Variants in CCDC91 observed in about 807,000 individuals in gnomAD.
CCDC91 encodes coiled-coil domain-containing protein 91.
A neutral mutation model predicts 63.2 loss-of-function variants in CCDC91; 48 were observed. The ratio of observed to expected loss-of-function variants is 0.76; its 90% CI spans 0.60 to 0.97. The LOEUF (loss-of-function observed/expected upper bound fraction) is 0.97, where lower values mean the gene tolerates loss of function less well. Among genes scored for constraint, CCDC91 ranks in the 50% least tolerant of loss-of-function variants. The probability of loss-of-function intolerance (pLI) is 0.00; values close to 1 mark genes in which losing one functional copy is unlikely to be tolerated. For missense variants in CCDC91, 500 were observed against 494.6 expected, an observed-to-expected ratio of 1.01 and a Z score of -0.10; for synonymous variants, 167 against 165.8, an observed-to-expected ratio of 1.01 and a Z score of -0.06.
At chr12:28,270,924 G>A (rs1947726437) in intron 3 of CCDC91, among the ~76,000 whole-genome samples, 1 of 152,072 alleles carries the variant, frequency 6.6e-6, no homozygotes, top group African/African-American at 2.4e-5. Context: ...GAACAAACAA[G>A]ACAAACAAGA....
intron 1 of CCDC91, among the ~76,000 whole-genome samples, chr12:28,246,359 G>A (rs1381893235): frequency 6.6e-6 from 1 of 152,102 alleles, no homozygotes; most frequent in Non-Finnish European, 1.5e-5. Flanking sequence ...TGATTTTACC[G>A]TGATTACTAT....
intron 1 of CCDC91, among the ~76,000 whole-genome samples, chr12:28,210,848 G>C (rs1390090258): frequency 1.3e-5 from 2 of 151,964 alleles, no homozygotes; most frequent in Non-Finnish European, 2.9e-5. Flanking sequence ...AGCAGCCATT[G>C]TGATGGCAGA....
chr12:28,291,337 C>T (rs566036885), intron 3 of CCDC91, among the ~76,000 whole-genome samples: 16 of 152,286 alleles, frequency 1.1e-4, no homozygotes, highest in Admixed American at 6.5e-4. Context: ...TGGCTCAATT[C>T]GTTCAACTTT....
In CCDC91 at chr12:28,204,198, T is replaced by A. The variant is rs559869654; in HGVS notation, c.-15+13557T>A. Among the ~76,000 whole-genome samples, 137 of 152,302 alleles carry A rather than the reference T, an allele frequency of 9.0e-4. 1 individual carries two copies. Among genetic ancestry groups the A allele is most frequent in the African/African-American group, 3.0e-3 (123 of 41,570 alleles). On this transcript the variant is annotated intron_variant, in intron 1 of 12. Transcript: ENST00000536442. ...TCACATGATTGGTGCCCTCAAAAAA[T>A]TGGTAAGAACATGGGGTTAAAATGT...
At chr12:28,258,379 A>C (rs1326627667) in intron 2 of CCDC91, among the ~76,000 whole-genome samples, 2 of 151,934 alleles carry the variant, frequency 1.3e-5, no homozygotes, top group Non-Finnish European at 2.9e-5. Context: ...AGTCTTCTTT[A>C]TTTAAACCAC....
intron 1 of CCDC91, among the ~76,000 whole-genome samples, chr12:28,239,901 T>C (rs1161963180): frequency 2.0e-5 from 3 of 152,178 alleles, no homozygotes; most frequent in African/African-American, 7.2e-5. Context: ...TTTATCTTGT[T>C]TTGACAAATC....
chr12:28,247,404 C>T (rs138731067), intron 1 of CCDC91, among the ~76,000 whole-genome samples: 14 of 149,846 alleles, frequency 9.3e-5, no homozygotes, highest in East Asian at 4.0e-4. Context: ...GGCGTGAACC[C>T]GGGAGGCGGA....
intron 8 of CCDC91, among the ~76,000 whole-genome samples, chr12:28,431,239 C>T (rs980258582): frequency 1.3e-5 from 2 of 152,078 alleles, no homozygotes; most frequent in African/African-American, 4.8e-5. Flanking sequence ...TCCTATGTAT[C>T]TATTAATCAA....
At chr12:28,527,484 A>G (rs1206929525) in intron 12 of CCDC91, among the ~76,000 whole-genome samples, 1 of 152,228 alleles carries the variant, frequency 6.6e-6, no homozygotes, top group Non-Finnish European at 1.5e-5. Flanking sequence ...CATGGATACG[A>G]GCACCTGCTC....
At chr12:28,235,523 T>C (rs900705648) in intron 1 of CCDC91, among the ~76,000 whole-genome samples, 21 of 151,802 alleles carry the variant, frequency 1.4e-4, no homozygotes, top group Non-Finnish European at 2.2e-4. Context: ...TAAGGACTAC[T>C]GTAAAGTTTC....
In CCDC91 at chr12:28,517,087, A is replaced by G. The variant is rs577366289; in HGVS notation, c.1216-31976A>G. The stretch of plus-strand genomic sequence containing the variant: ...TTCACTAATGTCTGTAATCAAATTC[A>G]TATCTCTCCTTCTCCTGTGCTCCAA... On this transcript the variant is annotated intron_variant, in intron 12 of 12. Transcript: ENST00000536442. Among the ~76,000 whole-genome samples, 7 of 152,072 alleles carry G rather than the reference A, an allele frequency of 4.6e-5. No homozygotes were observed. In the East Asian group the frequency reaches 1.4e-3, roughly 30 times the overall value.
chr12:28,356,880 T>C (rs1490478990), intron 6 of CCDC91, among the ~76,000 whole-genome samples: 11 of 152,186 alleles, frequency 7.2e-5, no homozygotes, highest in Non-Finnish European at 7.4e-5. Flanking sequence ...TATAATGTGG[T>C]TAGTTGATCT....
chr12:28,550,098 G>A lies in CCDC91; in HGVS notation c.*925G>A, dbSNP rs1194005769. The A allele has an allele frequency of 2.6e-5, 4 of 152,340 alleles. No individual in the cohort carries two copies. Among genetic ancestry groups the A allele is most frequent in the African/African-American group, 9.7e-5 (4 of 41,380 alleles). The allele number at this position is 152,340 out of a possible 1,614,324, so 9.4% of individuals were successfully genotyped here. A position where few individuals can be genotyped will look rare whatever the true frequency, so the allele number is the denominator to read the frequency against. ...AATGTTTTATCTTATTTTCTGAAAT[G>A]CATCTACTTTCATGGGCTTTGTACG... On this transcript the variant is annotated 3_prime_UTR_variant, in exon 13 of 13. Transcript: ENST00000536442.
rs1303983830 is a variant in CCDC91, at chr12:28,362,428, T to C, written c.577-10T>C. The C allele has an allele frequency of 6.4e-7, 1 of 1,555,864 alleles. No homozygotes were observed. Among genetic ancestry groups the C allele is most frequent in the Non-Finnish European group, 8.7e-7 (1 of 1,149,344 alleles). On this transcript the variant is annotated splice_polypyrimidine_tract_variant and intron_variant, in intron 6 of 12. Transcript: ENST00000536442. ...AAAAACTCATGGTTTTAGTTTCTTT[T>C]TTCTTTCAGGAAAAACATAAACAAG...
intron 6 of CCDC91, among the ~76,000 whole-genome samples, chr12:28,312,929 CTCTT>C (rs1158569338): frequency 1.3e-5 from 2 of 151,980 alleles, no homozygotes; most frequent in Non-Finnish European, 2.9e-5. Context: ...TCCATTAAAC[CTCTT>C]TCTTTTATAA....
At chr12:28,488,984 A>G (rs1951863318) in intron 12 of CCDC91, among the ~76,000 whole-genome samples, 1 of 151,960 alleles carries the variant, frequency 6.6e-6, no homozygotes, top group Non-Finnish European at 1.5e-5. Flanking sequence ...ATTCACATCC[A>G]TTCATTTTTG....
intron 8 of CCDC91, among the ~76,000 whole-genome samples, chr12:28,432,166 T>A (rs1014326666): frequency 1.3e-5 from 2 of 152,138 alleles, no homozygotes; most frequent in African/African-American, 4.8e-5. Context: ...CATGGTGGTT[T>A]TCTGCAGATG....
At chr12:28,389,208 T>A (rs1013213348) in intron 7 of CCDC91, among the ~76,000 whole-genome samples, 2 of 152,134 alleles carry the variant, frequency 1.3e-5, no homozygotes, top group Non-Finnish European at 2.9e-5. Context: ...GGGGCAACTT[T>A]CTTTCTCTGA....
At chr12:28,196,137 T>G (rs746652733) in intron 1 of CCDC91, among the ~76,000 whole-genome samples, 1 of 146,836 alleles carries the variant, frequency 6.8e-6, no homozygotes, top group Non-Finnish European at 1.5e-5. Context: ...CCTTTCTACG[T>G]TTATTTGGTC....
Sources: gnomAD v4.1 joint callset for allele counts (sites outside exome capture counted in the v4.1 genomes callset) on GRCh38, gnomAD v4.1.1 for gene constraint, MANE v1.5 for transcripts, NCBI Gene and HGNC (gene_info 2026-07-23, HGNC 2026-07-21) for gene names.